GRID2: variants seen among roughly 807,000 people sequenced by gnomAD.
The protein encoded by GRID2 is glutamate ionotropic receptor delta type subunit 2, also known as glutamate receptor ionotropic, delta-2.
A neutral mutation model predicts 114.8 loss-of-function variants in GRID2; 33 were observed. That is an observed-to-expected ratio of 0.29 (90% confidence interval 0.22 to 0.38). GRID2 has a LOEUF of 0.38. Among genes scored for constraint, GRID2 ranks in the 10% least tolerant of loss-of-function variants. The pLI is 1.00. For missense variants in GRID2, 1,184 were observed against 1,257.7 expected, an observed-to-expected ratio of 0.94 and a Z score of 0.89; for synonymous variants, 505 against 449.9, an observed-to-expected ratio of 1.12 and a Z score of -1.55.
chr4:93,295,104 C>A (rs1560468024), intron 8 of GRID2, among the ~76,000 whole-genome samples: 1 of 151,990 alleles, frequency 6.6e-6, no homozygotes, highest in Non-Finnish European at 1.5e-5. Context: ...TGTTAAAATG[C>A]CTAGTAAAAG....
At chr4:93,329,988 G>T (rs566657130) in intron 8 of GRID2, among the ~76,000 whole-genome samples, 1 of 151,732 alleles carries the variant, frequency 6.6e-6, no homozygotes. Flanking sequence ...CAATTTATAT[G>T]GATCACTAAA....
At chr4:93,770,603 A>T (rs1167845403) in intron 15 of GRID2, among the ~76,000 whole-genome samples, 1 of 152,222 alleles carries the variant, frequency 6.6e-6, no homozygotes, top group African/African-American at 2.4e-5. Context: ...ATACATTCTA[A>T]ATATGTGAAG....
At chr4:92,945,519 C>T (rs1254862935) in intron 2 of GRID2, among the ~76,000 whole-genome samples, 1 of 152,082 alleles carries the variant, frequency 6.6e-6, no homozygotes, top group Non-Finnish European at 1.5e-5. Flanking sequence ...TGTAAGTCTT[C>T]ATCTCTAGGA....
rs191153204 is a variant in GRID2 at position 92,571,836 on chromosome 4, G to A, written c.89-18295G>A. Reference sequence around the variant, plus strand: ...AATAAAGATGTTCTTTGAAACCAATGAGAACAAAGACATAACATACCAGAA... The same window carrying A: ...AATAAAGATGTTCTTTGAAACCAATAAGAACAAAGACATAACATACCAGAA... On this transcript the variant is annotated intron_variant, in intron 1 of 15. Coordinates refer to ENST00000282020, the MANE Select transcript of GRID2 (RefSeq NM_001510.4). Among the ~76,000 whole-genome samples, 878 of 152,244 alleles carry A rather than the reference G, an allele frequency of 5.8e-3. 8 individuals carry two copies. The highest frequency in any genetic ancestry group is 0.018 in the African/African-American group (751 of 41,532).
chr4:93,028,310 T>C (rs1420832117), intron 2 of GRID2, among the ~76,000 whole-genome samples: 2 of 152,006 alleles, frequency 1.3e-5, no homozygotes, highest in Non-Finnish European at 1.5e-5. Context: ...CTTGAATGAA[T>C]TGATGGTGCA....
intron 2 of GRID2, among the ~76,000 whole-genome samples, chr4:92,825,201 A>G (rs1741601363): frequency 6.6e-6 from 1 of 152,130 alleles, no homozygotes; most frequent in Admixed American, 6.6e-5. Context: ...GGGTACAACT[A>G]GCCTAAAGAG....
intron 1 of GRID2, among the ~76,000 whole-genome samples, chr4:92,578,214 C>A (rs1428441620): frequency 6.7e-6 from 1 of 149,936 alleles, no homozygotes; most frequent in Non-Finnish European, 1.5e-5. Context: ...GTGTGCTGCA[C>A]CCATTGACTT....
intron 1 of GRID2, among the ~76,000 whole-genome samples, chr4:92,447,600 TATC>T (rs1277363840): frequency 2.0e-5 from 3 of 152,202 alleles, no homozygotes; most frequent in Non-Finnish European, 4.4e-5. Context: ...TAGAACAAAA[TATC>T]ATAAACTCGA....
intron 14 of GRID2, among the ~76,000 whole-genome samples, chr4:93,656,214 C>A (rs1229620257): frequency 6.6e-6 from 1 of 151,586 alleles, no homozygotes; most frequent in African/African-American, 2.4e-5. Flanking sequence ...AGTAGTCATT[C>A]TACTAAATTG....
intron 2 of GRID2, among the ~76,000 whole-genome samples, chr4:92,910,306 C>G (rs1158227375): frequency 6.6e-6 from 1 of 152,076 alleles, no homozygotes; most frequent in Non-Finnish European, 1.5e-5. Flanking sequence ...AGCCCAATCC[C>G]CCAGAGAACC....
At chr4:92,470,609 G>A (rs141725765) in intron 1 of GRID2, among the ~76,000 whole-genome samples, 72 of 151,970 alleles carry the variant, frequency 4.7e-4, no homozygotes, top group Middle Eastern at 3.4e-3. Flanking sequence ...AATGTTTGCC[G>A]TAACTTAACC....
At chr4:92,719,323 A>G (rs1004787331) in intron 2 of GRID2, among the ~76,000 whole-genome samples, 1 of 152,142 alleles carries the variant, frequency 6.6e-6, no homozygotes, top group Non-Finnish European at 1.5e-5. Context: ...TTATGAAGTT[A>G]TAAAACACTT....
intron 14 of GRID2, among the ~76,000 whole-genome samples, chr4:93,706,190 A>C (rs1727980825): frequency 1.3e-5 from 2 of 152,156 alleles, no homozygotes; most frequent in African/African-American, 2.4e-5. Flanking sequence ...CATAAATTTT[A>C]ACATTGTTTT....
intron 14 of GRID2, among the ~76,000 whole-genome samples, chr4:93,669,844 C>T (rs946579642): frequency 6.6e-6 from 1 of 152,116 alleles, no homozygotes; most frequent in Non-Finnish European, 1.5e-5. Context: ...CTCTCTCACA[C>T]ATGAATACAA....
At chr4:92,476,970 A>G (rs1334238282) in intron 1 of GRID2, among the ~76,000 whole-genome samples, 1 of 151,938 alleles carries the variant, frequency 6.6e-6, no homozygotes, top group Non-Finnish European at 1.5e-5. Context: ...GAAGTTATTT[A>G]AAACACTGTC....
intron 8 of GRID2, among the ~76,000 whole-genome samples, chr4:93,275,153 G>T (rs1031053971): frequency 6.6e-6 from 1 of 151,690 alleles, no homozygotes; most frequent in African/African-American, 2.4e-5. Context: ...TTCACATAAA[G>T]GGAAACATAT....
chr4:92,887,793 C>G (rs1462908493), intron 2 of GRID2, among the ~76,000 whole-genome samples: 1 of 152,162 alleles, frequency 6.6e-6, no homozygotes, highest in Non-Finnish European at 1.5e-5. Flanking sequence ...ACCTTTTTCT[C>G]TCTTGCTTTC....
At chr4:92,390,806 G>T (rs988048322) in intron 1 of GRID2, among the ~76,000 whole-genome samples, 7 of 151,984 alleles carry the variant, frequency 4.6e-5, no homozygotes, top group African/African-American at 1.7e-4. Flanking sequence ...ATTATCTTAT[G>T]GTATAATATA....
chr4:92,756,068 CT>C (rs753686471), intron 2 of GRID2, among the ~76,000 whole-genome samples: 1 of 152,034 alleles, frequency 6.6e-6, no homozygotes, highest in Non-Finnish European at 1.5e-5. Flanking sequence ...TTCCTTGTTC[CT>C]TCCAAACTCT....
Sources: gnomAD v4.1 joint callset for allele counts (sites outside exome capture counted in the v4.1 genomes callset) on GRCh38, gnomAD v4.1.1 for gene constraint, MANE v1.5 for transcripts, NCBI Gene and HGNC (gene_info 2026-07-23, HGNC 2026-07-21) for gene names.